The following PRDM11 variants were observed in gnomAD, a reference collection of about 807,000 sequenced individuals.
The protein encoded by PRDM11 is PR/SET domain 11.
Under a neutral mutation model 97.8 loss-of-function variants are expected in PRDM11, and 20 were observed. That is an observed-to-expected ratio of 0.20 (90% CI 0.14 to 0.30). The LOEUF (loss-of-function observed/expected upper bound fraction) is 0.30. Among genes scored for constraint, PRDM11 ranks in the 10% least tolerant of loss-of-function variants. The pLI is 1.00. For missense variants in PRDM11, 1,139 were observed against 1,555.2 expected (o/e 0.73, Z 4.50); for synonymous variants, 599 against 637.7 (o/e 0.94, Z 0.91).
At chr11:45,225,524 C>T (rs771895158) in intron 7 of PRDM11, among the ~76,000 whole-genome samples, 3 of 152,292 alleles carry the variant, frequency 2.0e-5, no homozygotes, top group Non-Finnish European at 2.9e-5. Flanking sequence ...TCAAAGCATG[C>T]GTCTGAACTA....
chr11:45,199,942 A>G (rs1191428610), intron 4 of PRDM11, among the ~76,000 whole-genome samples: 1 of 152,292 alleles, frequency 6.6e-6, no homozygotes, highest in East Asian at 1.9e-4. Context: ...CAGCTCAGAG[A>G]TCCCATAATC....
chr11:45,176,201 C>A (rs1852324110), intron 1 of PRDM11, among the ~76,000 whole-genome samples: 1 of 152,058 alleles, frequency 6.6e-6, no homozygotes, highest in South Asian at 2.1e-4. Context: ...TGGTGAAACC[C>A]TGTCTCTACT....
intron 1 of PRDM11, among the ~76,000 whole-genome samples, chr11:45,160,433 G>A (rs186379684): frequency 3.0e-4 from 45 of 152,282 alleles, no homozygotes; most frequent in Admixed American, 8.5e-4. Flanking sequence ...CATGACTCTA[G>A]TATATATCCT....
At chr11:45,145,108 C>T (rs1851478308), upstream of PRDM11, among the ~76,000 whole-genome samples, 1 of 152,132 alleles carries the variant, frequency 6.6e-6, no homozygotes, top group Non-Finnish European at 1.5e-5. Flanking sequence ...TGAGCATCTA[C>T]TGAGAGCAGC....
chr11:45,132,180 C>G (rs922593749), intron 1 of PRDM11, among the ~76,000 whole-genome samples: 1 of 152,168 alleles, frequency 6.6e-6, no homozygotes, highest in Non-Finnish European at 1.5e-5. Context: ...TGATTGGATT[C>G]CCTGGAGCTG....
chr11:45,209,194 C>T (rs1362470888), intron 5 of PRDM11: 5 of 448,074 alleles, frequency 1.1e-5, no homozygotes, highest in Admixed American at 2.4e-5. Flanking sequence ...ATCGTGCTCA[C>T]GGCCCACGAG....
At chr11:45,113,833 T>TTG (rs1554964289) in intron 1 of PRDM11, among the ~76,000 whole-genome samples, 13 of 149,512 alleles carry the variant, frequency 8.7e-5, no homozygotes, top group African/African-American at 2.2e-4. Flanking sequence ...TGTTTTGTTT[T>TTG]TTTTTTTTTT....
chr11:45,203,025 C>T (rs928160919), intron 4 of PRDM11, among the ~76,000 whole-genome samples: 4 of 152,110 alleles, frequency 2.6e-5, no homozygotes, highest in Admixed American at 2.6e-4. Flanking sequence ...ATTGTAAGTG[C>T]AGTGGATGCC....
chr11:45,201,154 A>G (rs1853313120), intron 4 of PRDM11, among the ~76,000 whole-genome samples: 1 of 152,250 alleles, frequency 6.6e-6, no homozygotes, highest in Non-Finnish European at 1.5e-5. Context: ...CAGCTACAGT[A>G]GAGGCCAGTA....
intron 1 of PRDM11, among the ~76,000 whole-genome samples, chr11:45,115,447 A>G (rs1401586458): frequency 6.6e-6 from 1 of 152,034 alleles, no homozygotes; most frequent in East Asian, 1.9e-4. Context: ...ATAGGCCTAT[A>G]CTCAACTATG....
At chr11:45,097,117 C>A (rs955998917) in intron 1 of PRDM11, among the ~76,000 whole-genome samples, 2 of 152,212 alleles carry the variant, frequency 1.3e-5, no homozygotes, top group African/African-American at 2.4e-5. Flanking sequence ...TAGAAAGCAC[C>A]TTTACCTTCA....
chr11:45,127,532 G>A (rs1852603879), intron 1 of PRDM11, among the ~76,000 whole-genome samples: 1 of 152,216 alleles, frequency 6.6e-6, no homozygotes, highest in Admixed American at 6.5e-5. Context: ...TGTCCTTTCT[G>A]TTTGTTAGTT....
chr11:45,181,967 A>G (rs2135736620), intron 2 of PRDM11, 82 bp downstream of exon 2: 1 of 1,269,926 alleles, frequency 7.9e-7, no homozygotes, highest in East Asian at 2.4e-5. Context: ...ACCCTGGGAA[A>G]CGTTCTCACT....
intron 4 of PRDM11, among the ~76,000 whole-genome samples, chr11:45,186,049 A>G (rs749525154): frequency 6.6e-6 from 1 of 152,114 alleles, no homozygotes; most frequent in Admixed American, 6.5e-5. Flanking sequence ...AAAGAAACAC[A>G]TTAATTCCCA....
chr11:45,127,525 CCTTT>C (rs1379109311), intron 1 of PRDM11, among the ~76,000 whole-genome samples: 2 of 152,136 alleles, frequency 1.3e-5, no homozygotes, highest in African/African-American at 4.8e-5. Context: ...GTGTGGATGT[CCTTT>C]CTGTTTGTTA....
chr11:45,157,437 T>C (rs1313727160), intron 1 of PRDM11, among the ~76,000 whole-genome samples: 2 of 152,150 alleles, frequency 1.3e-5, no homozygotes, highest in African/African-American at 4.8e-5. Flanking sequence ...GCGTTAATGC[T>C]TGCTAGCTCG....
At chr11:45,133,298 TC>T (rs778611900) in intron 1 of PRDM11, among the ~76,000 whole-genome samples, 1 of 152,186 alleles carries the variant, frequency 6.6e-6, no homozygotes, top group African/African-American at 2.4e-5. Context: ...CATAAGTGAC[TC>T]CTATCATGAA....
chr11:45,142,426 A>G (rs1432451446), upstream of PRDM11, among the ~76,000 whole-genome samples: 1 of 152,092 alleles, frequency 6.6e-6, no homozygotes, highest in African/African-American at 2.4e-5. Context: ...CTTTGTATCT[A>G]GCAAGACCCC....
At chr11:45,168,283 C>T (rs1379016999) in intron 1 of PRDM11, among the ~76,000 whole-genome samples, 1 of 152,230 alleles carries the variant, frequency 6.6e-6, no homozygotes, top group Non-Finnish European at 1.5e-5. Context: ...CCTCCATCTA[C>T]AAGCCTTCTC....
Sources: allele counts gnomAD v4.1 joint callset (sites outside exome capture counted in the v4.1 genomes callset), GRCh38; gene constraint gnomAD v4.1.1; transcripts MANE v1.5; gene names NCBI Gene and HGNC (gene_info 2026-07-23, HGNC 2026-07-21).